Variants in RPS6KC1 observed in about 807,000 individuals in gnomAD.
RPS6KC1 encodes inactive ribosomal protein S6 kinase delta-1.
A neutral mutation model predicts 103.8 loss-of-function variants in RPS6KC1; 54 were observed. The ratio of observed to expected loss-of-function variants is 0.52; its 90% CI spans 0.42 to 0.65. RPS6KC1 has a LOEUF of 0.65. RPS6KC1 is among the 30% of genes least tolerant of loss of function. The pLI is 0.00. For missense variants in RPS6KC1, 1,151 were observed against 1,253.8 expected, an observed-to-expected ratio of 0.92 and a Z score of 1.24; for synonymous variants, 439 against 438.7, an observed-to-expected ratio of 1.00 and a Z score of -0.01.
the RPS6KC1 span, among the ~76,000 whole-genome samples, chr1:213,708,420 C>G: frequency 6.6e-6 from 1 of 152,160 alleles, no homozygotes. Flanking sequence ...TGCTTATTAG[C>G]TTAAGGAGTT....
chr1:213,304,539 CT>C, the RPS6KC1 span, among the ~76,000 whole-genome samples: 711 of 143,116 alleles, frequency 5.0e-3, 2 homozygotes, highest in African/African-American at 9.0e-3. Context: ...AATTTTGCAT[CT>C]TTTTTTTTTT....
the RPS6KC1 span, among the ~76,000 whole-genome samples, chr1:213,781,080 AG>A: frequency 2.7e-4 from 41 of 152,332 alleles, no homozygotes; most frequent in Admixed American, 2.2e-3. Context: ...ATTGAGAAAG[AG>A]AAGCCAGAGA....
At chr1:213,220,013 A>T (rs1036264345) in intron 8 of RPS6KC1, among the ~76,000 whole-genome samples, 10 of 152,130 alleles carry the variant, frequency 6.6e-5, no homozygotes, top group East Asian at 1.9e-4. Context: ...ATAATAATTT[A>T]AAAAAACCCA....
the RPS6KC1 span, among the ~76,000 whole-genome samples, chr1:213,761,837 C>T: frequency 3.3e-5 from 5 of 152,146 alleles, no homozygotes; most frequent in Admixed American, 3.3e-4. Context: ...CTCAGAGCTG[C>T]TCAGTGGTGG....
chr1:213,251,801 A>G (rs116549977), intron 12 of RPS6KC1, among the ~76,000 whole-genome samples: 52 of 152,298 alleles, frequency 3.4e-4, no homozygotes, highest in African/African-American at 1.2e-3. Flanking sequence ...TATTCAACAA[A>G]CATTTATTAA....
intron 8 of RPS6KC1, among the ~76,000 whole-genome samples, chr1:213,202,553 T>C (rs918789792): frequency 1.9e-4 from 29 of 152,018 alleles, no homozygotes; most frequent in Non-Finnish European, 4.0e-4. Flanking sequence ...GTGGAGGCTG[T>C]AGTGAGCCAA....
chr1:213,141,852 G>T (rs578035000), intron 6 of RPS6KC1, among the ~76,000 whole-genome samples: 147 of 149,924 alleles, frequency 9.8e-4, no homozygotes, highest in African/African-American at 3.5e-3. Context: ...CATTAGTTTT[G>T]TTGGGTGGAG....
At chr1:213,625,145 C>T in the RPS6KC1 span, among the ~76,000 whole-genome samples, 1 of 151,796 alleles carries the variant, frequency 6.6e-6, no homozygotes, top group Non-Finnish European at 1.5e-5. Flanking sequence ...GCTAGGACCA[C>T]GCCTGGCCAA....
the RPS6KC1 span, among the ~76,000 whole-genome samples, chr1:213,849,827 G>A: frequency 1.3e-5 from 2 of 151,722 alleles, no homozygotes; most frequent in Middle Eastern, 6.9e-3. Context: ...TTCTGCAAAA[G>A]TTTTATTAAA....
chr1:213,232,851 T>C (rs2094136644), intron 10 of RPS6KC1, among the ~76,000 whole-genome samples: 1 of 152,192 alleles, frequency 6.6e-6, no homozygotes, highest in South Asian at 2.1e-4. Flanking sequence ...GTTTTGATTT[T>C]TTTTTGCCCT....
At chr1:213,334,008 A>G in the RPS6KC1 span, among the ~76,000 whole-genome samples, 8 of 152,154 alleles carry the variant, frequency 5.3e-5, no homozygotes, top group Non-Finnish European at 1.2e-4. Context: ...TAGTAACTAG[A>G]AGAGGCACTC....
the RPS6KC1 span, among the ~76,000 whole-genome samples, chr1:213,664,910 A>G: frequency 6.6e-6 from 1 of 152,228 alleles, no homozygotes; most frequent in African/African-American, 2.4e-5. Context: ...GAGCATATAT[A>G]TATGAAAAGG....
chr1:213,097,996 T>C (rs1408444376), intron 3 of RPS6KC1, among the ~76,000 whole-genome samples: 1 of 152,250 alleles, frequency 6.6e-6, no homozygotes, highest in Non-Finnish European at 1.5e-5. Context: ...ATAACGCTGC[T>C]TCACTTTCTT....
At chr1:213,416,732 G>A in the RPS6KC1 span, among the ~76,000 whole-genome samples, 1 of 152,224 alleles carries the variant, frequency 6.6e-6, no homozygotes, top group African/African-American at 2.4e-5. Context: ...GAGGGCCTGA[G>A]AGCAGAAGGA....
At chr1:213,462,399 C>T in the RPS6KC1 span, among the ~76,000 whole-genome samples, 14 of 152,174 alleles carry the variant, frequency 9.2e-5, no homozygotes, top group African/African-American at 3.4e-4. Flanking sequence ...CCAGCAATCC[C>T]ATTATGGGTA....
At chr1:213,369,577 T>C in the RPS6KC1 span, among the ~76,000 whole-genome samples, 276 of 152,346 alleles carry the variant, frequency 1.8e-3, 1 homozygote, top group Admixed American at 3.5e-3. Context: ...AACCCATTCT[T>C]TAGGGCTGAA....
the RPS6KC1 span, among the ~76,000 whole-genome samples, chr1:213,644,172 T>C: frequency 2.0e-5 from 3 of 152,112 alleles, no homozygotes; most frequent in East Asian, 5.8e-4. Context: ...ATTTTAAGTA[T>C]ATACAAGCAA....
chr1:213,554,658 T>C, the RPS6KC1 span, among the ~76,000 whole-genome samples: 6,448 of 152,306 alleles, frequency 0.042, 221 homozygotes, highest in Non-Finnish European at 0.059. Context: ...TTTTTGTACC[T>C]ACTTCCTCTC....
chr1:213,748,165 T>G, the RPS6KC1 span, among the ~76,000 whole-genome samples: 1 of 152,134 alleles, frequency 6.6e-6, no homozygotes, highest in Non-Finnish European at 1.5e-5. Flanking sequence ...GAACCCAAAA[T>G]GGAAGAAGTC....
Sources: gnomAD v4.1 joint callset for allele counts (sites outside exome capture counted in the v4.1 genomes callset) on GRCh38, gnomAD v4.1.1 for gene constraint, MANE v1.5 for transcripts, NCBI Gene and HGNC (gene_info 2026-07-23, HGNC 2026-07-21) for gene names.